PC: variants seen among roughly 807,000 people sequenced by gnomAD.
The protein encoded by PC is pyruvate carboxylase, mitochondrial.
In PC, 46 loss-of-function variants were observed where a neutral mutation model predicts 107.8. The ratio of observed to expected loss-of-function variants is 0.43; its 90% confidence interval spans 0.34 to 0.55. The LOEUF is 0.55. Among genes scored for constraint, PC ranks in the 20% least tolerant of loss-of-function variants. The pLI, the probability that PC is intolerant of heterozygous loss-of-function variation, is 0.04. For synonymous variants in PC, 662 were observed against 684.7 expected, an observed-to-expected ratio of 0.97 and a Z score of 0.52; for missense variants, 1,241 against 1,643.1, an observed-to-expected ratio of 0.76 and a Z score of 4.23.
At chr11:66,902,538 C>T (rs118184958) in intron 3 of PC, among the ~76,000 whole-genome samples, 2 of 152,310 alleles carry the variant, frequency 1.3e-5, no homozygotes, top group East Asian at 3.9e-4. Context: ...TCATGCCGAG[C>T]TGTGCCTCAG....
chr11:66,885,439 C>T (rs925300330), intron 3 of PC, among the ~76,000 whole-genome samples: 2 of 148,634 alleles, frequency 1.3e-5, no homozygotes, highest in Non-Finnish European at 1.5e-5. Context: ...TGCAGTGAGC[C>T]GAGATGGCGC....
chr11:66,853,357 C>G lies in PC; in HGVS notation c.1395G>C (p.Val465=), dbSNP rs1945622051. 1 of 1,613,724 alleles carries G rather than the reference C, an allele frequency of 6.2e-7. No individual in the cohort carries two copies. The highest frequency in any genetic ancestry group is 1.3e-5 in the African/African-American group (1 of 74,848). ...CTGCCAGGAACTGCTGGTTGTTGAG[C>G]ACATTCTGCAGGAAGGCGATGTTGG... ...VKTNIAFLQN[V]LNNQQFLAGT... The change falls in exon 13 of 23, where the codon GTG becomes GTC. Residue 465 remains valine, a synonymous_variant. Coordinates refer to ENST00000393960, the MANE Select transcript of PC (RefSeq NM_001040716.2).
intron 1 of PC, chr11:66,957,665 G>A (rs1216084629): frequency 2.0e-5 from 3 of 152,284 alleles, no homozygotes; most frequent in Non-Finnish European, 4.4e-5. Flanking sequence ...GGGACCTAGG[G>A]ACTTGGCTTC....
chr11:66,903,594 A>T (rs1261250664), intron 3 of PC, among the ~76,000 whole-genome samples: 2 of 149,690 alleles, frequency 1.3e-5, no homozygotes, highest in East Asian at 4.0e-4. Flanking sequence ...ACAAAAAAAA[A>T]AAAATTAGCC....
intron 3 of PC, among the ~76,000 whole-genome samples, chr11:66,910,110 CG>C (rs1364772268): frequency 1.3e-5 from 2 of 152,060 alleles, no homozygotes; most frequent in Admixed American, 6.6e-5. Context: ...AAAACACAAG[CG>C]GGGGGAGTAA....
intron 12 of PC, chr11:66,860,484 C>A (rs1171055857): frequency 1.1e-5 from 8 of 702,836 alleles, no homozygotes; most frequent in Middle Eastern, 5.1e-4. Flanking sequence ...CAGTGCTAGT[C>A]TCTGGTGTTG....
Position 66,857,924 on chromosome 11 carries a change from C to T in PC, c.1369-4541G>A. ...AGCTGCGGCTGGCTGACAACTTCATCCAGGCCCTGGGGCCCCCTGACTTCC... is the reference window on the plus strand; with the variant it reads ...AGCTGCGGCTGGCTGACAACTTCATTCAGGCCCTGGGGCCCCCTGACTTCC... On this transcript the variant is annotated intron_variant, in intron 12 of 22. Transcript: ENST00000393960. This position sits in a 1 kb window ranked among gnomAD's most constrained non-coding sequence, Gnocchi z 7.1. The T allele has an allele frequency of 6.2e-7, 1 of 1,612,370 alleles. No homozygotes were observed. The highest frequency in any genetic ancestry group is 8.5e-7 in the Non-Finnish European group (1 of 1,179,922).
At chr11:66,880,049 C>T (rs369508388) in intron 3 of PC, among the ~76,000 whole-genome samples, 62 of 152,330 alleles carry the variant, frequency 4.1e-4, no homozygotes, top group Middle Eastern at 6.8e-3. Flanking sequence ...ATGCCAGGCA[C>T]GGATGGGGCC....
At chr11:66,953,954 G>A (rs935562613) in intron 2 of PC, among the ~76,000 whole-genome samples, 5 of 152,016 alleles carry the variant, frequency 3.3e-5, no homozygotes, top group Admixed American at 6.6e-5. Flanking sequence ...GTATGTAAGG[G>A]GCTTAGCAAG....
chr11:66,852,936 C>T lies in PC; in HGVS notation c.1514-100G>A, dbSNP rs1463524198. The T allele has an allele frequency of 6.4e-6, 6 of 932,810 alleles. No homozygotes were observed. Among genetic ancestry groups the T allele is most frequent in the Non-Finnish European group, 6.4e-6 (4 of 625,864 alleles). The allele number at this position is 932,810 out of a possible 1,614,324, so 57.8% of individuals were successfully genotyped here. ...GGCTCAGGGACAGGGACACATCCCT[C>T]CAGGATCCCCGGGCTTCCAGCTGGC... On this transcript the variant is annotated intron_variant, in intron 13 of 22. Transcript: ENST00000393960. This position sits in a 1 kb window ranked among gnomAD's most constrained non-coding sequence, Gnocchi z 4.7.
chr11:66,917,845 G>A (rs963635639), intron 3 of PC, among the ~76,000 whole-genome samples: 5 of 152,138 alleles, frequency 3.3e-5, no homozygotes, highest in East Asian at 3.9e-4. Context: ...CTAGGATTAC[G>A]GCACTCATAC....
chr11:66,934,425 CTGGT>C (rs1039230947), intron 3 of PC: 2 of 154,020 alleles, frequency 1.3e-5, no homozygotes, highest in African/African-American at 4.8e-5. Context: ...ACAGCCCCCA[CTGGT>C]TGGTTTCCTC....
chr11:66,909,415 A>G (rs184506115), intron 3 of PC, among the ~76,000 whole-genome samples: 2 of 152,208 alleles, frequency 1.3e-5, no homozygotes, highest in Admixed American at 6.5e-5. Context: ...CATGCAGGAC[A>G]TGATCTTCGG....
chr11:66,931,180 A>G (rs1591297401), intron 3 of PC, among the ~76,000 whole-genome samples: 1 of 151,906 alleles, frequency 6.6e-6, no homozygotes, highest in Non-Finnish European at 1.5e-5. Context: ...GGGGTTCAAG[A>G]CCAGCCTGGC....
rs770303709 is a variant in PC, at chr11:66,871,255, T to G, written c.488-58A>C. ...AACAGGCGGGAATCCCTGCCACCCC[T>G]CCCTGCTGGACCCTCTCCAGGAGCT... On this transcript the variant is annotated intron_variant, in intron 6 of 22. Coordinates refer to ENST00000393960, the MANE Select transcript of PC (RefSeq NM_001040716.2). This position sits in a 1 kb window ranked among gnomAD's most constrained non-coding sequence, Gnocchi z 7.4. 9 of 1,613,640 alleles carry G rather than the reference T, an allele frequency of 5.6e-6. No individual in the cohort carries two copies. The highest frequency in any genetic ancestry group is 7.6e-6 in the Non-Finnish European group (9 of 1,179,780).
chr11:66,878,600 A>AG (rs1947070437), intron 3 of PC, among the ~76,000 whole-genome samples: 1 of 152,152 alleles, frequency 6.6e-6, no homozygotes, highest in Non-Finnish European at 1.5e-5. Context: ...TGGTGGGTAA[A>AG]GGATTCCTTA....
chr11:66,910,377 C>T (rs1948300508), intron 3 of PC, among the ~76,000 whole-genome samples: 1 of 152,180 alleles, frequency 6.6e-6, no homozygotes, highest in Admixed American at 6.5e-5. Flanking sequence ...CTTCTAATGG[C>T]CTTGGTCCCC....
At chr11:66,937,347 T>A (rs964107540) in intron 3 of PC, among the ~76,000 whole-genome samples, 2 of 152,226 alleles carry the variant, frequency 1.3e-5, no homozygotes, top group Admixed American at 6.5e-5. Context: ...GAGCTGTTAA[T>A]CTGATCAAAG....
chr11:66,922,611 A>G (rs1407552998), intron 3 of PC, among the ~76,000 whole-genome samples: 2 of 150,296 alleles, frequency 1.3e-5, no homozygotes, highest in Non-Finnish European at 3.0e-5. Flanking sequence ...CCAGAGGTGC[A>G]TCCACAACTC....
Sources: allele counts gnomAD v4.1 joint callset (sites outside exome capture counted in the v4.1 genomes callset), GRCh38; gene constraint gnomAD v4.1.1; non-coding constraint Gnocchi (gnomAD v3.1); transcripts MANE v1.5; gene names NCBI Gene and HGNC (gene_info 2026-07-23, HGNC 2026-07-21).